Variants in RGSL1 observed in about 807,000 individuals in gnomAD.
RGSL1 encodes the protein regulator of G protein signaling like 1.
A neutral mutation model predicts 124.7 loss-of-function variants in RGSL1; 97 were observed. The ratio of observed to expected loss-of-function variants is 0.78; its 90% CI spans 0.66 to 0.92. RGSL1 has a LOEUF of 0.92. Among genes scored for constraint, RGSL1 ranks in the 40% least tolerant of loss-of-function variants. The pLI is 0.00. For missense variants in RGSL1, 1,233 were observed against 1,288.4 expected, an observed-to-expected ratio of 0.96 and a Z score of 0.66; for synonymous variants, 424 against 438.1, an observed-to-expected ratio of 0.97 and a Z score of 0.40.
At chr1:182,528,197 A>G (rs960592996) in intron 11 of RGSL1, among the ~76,000 whole-genome samples, 8 of 152,108 alleles carry the variant, frequency 5.3e-5, no homozygotes, top group African/African-American at 1.4e-4. Flanking sequence ...CTCACTCACT[A>G]TCATGAGAAC....
At chr1:182,539,101 T>C (rs1214212428) in intron 14 of RGSL1, among the ~76,000 whole-genome samples, 4 of 152,116 alleles carry the variant, frequency 2.6e-5, no homozygotes, top group Non-Finnish European at 4.4e-5. Context: ...CAAAAATCTA[T>C]TACAGTGAGA....
intron 20 of RGSL1, chr1:182,554,937 C>T (rs912728962): frequency 1.9e-6 from 1 of 521,738 alleles, no homozygotes; most frequent in Non-Finnish European, 3.4e-6. Flanking sequence ...ACCCACTTTT[C>T]AGTAGAACAA....
intron 9 of RGSL1, among the ~76,000 whole-genome samples, chr1:182,505,263 AAAAC>A (rs1159082912): frequency 6.6e-6 from 1 of 152,238 alleles, no homozygotes; most frequent in Non-Finnish European, 1.5e-5. Context: ...ACTTTAGGTC[AAAAC>A]AAACAACCAC....
chr1:182,522,045 C>A lies in RGSL1; in HGVS notation c.1867C>A (p.Arg623Ser). Residue 623 changes from arginine (R) to serine (S), a missense_variant, in exon 10 of 22, where the codon CGC (arginine) becomes AGC (serine). Transcript: ENST00000294854. ...EIIKETKTVSRSNRKMSLLKR... is the reference protein window; with the variant it reads ...EIIKETKTVSSSNRKMSLLKR... ...TATCAAGGAAACAAAGACAGTTTCACGCTCAAATAGGAAAATGTCCTTGCT... is the reference window on the plus strand; with the variant it reads ...TATCAAGGAAACAAAGACAGTTTCAAGCTCAAATAGGAAAATGTCCTTGCT... 6.5e-7 allele frequency: 1 copy of A among 1,548,368 alleles called. No homozygotes were observed. The highest frequency in any genetic ancestry group is 8.7e-7 in the Non-Finnish European group (1 of 1,145,926).
Position 182,469,436 on chromosome 1 carries a change from G to A in RGSL1, c.302-2960G>A, listed in dbSNP as rs181681273. ...AGATGCTCTACGGGACTAATCATTA[G>A]GGAAACACAAATCAAAACTATAATG... On this transcript the variant is annotated intron_variant, in intron 4 of 21. Coordinates refer to ENST00000294854, the MANE Select transcript of RGSL1 (RefSeq NM_001137669.2). Among the ~76,000 whole-genome samples, 11 of 152,224 alleles carry A rather than the reference G, an allele frequency of 7.2e-5. 1 individual carries two copies. Among genetic ancestry groups the A allele is most frequent in the Admixed American group, 3.3e-4 (5 of 15,280 alleles).
chr1:182,523,671 T>A (rs867691751), intron 10 of RGSL1, among the ~76,000 whole-genome samples: 20 of 152,178 alleles, frequency 1.3e-4, no homozygotes, highest in Admixed American at 9.2e-4. Context: ...ATACCACAGC[T>A]GCAATTCTCT....
chr1:182,473,212 T>C (rs1653991070), intron 5 of RGSL1, among the ~76,000 whole-genome samples: 1 of 152,244 alleles, frequency 6.6e-6, no homozygotes, highest in Non-Finnish European at 1.5e-5. Context: ...TAGTTCTACT[T>C]ATCCAGTCCA....
rs1267266678 is a variant in RGSL1, at chr1:182,548,312, T to C, written c.2670-5T>C. The C allele has an allele frequency of 1.9e-6, 3 of 1,551,792 alleles. No homozygotes were observed. The highest frequency in any genetic ancestry group is 2.7e-5 in the African/African-American group (2 of 73,028). On this transcript the variant is annotated splice_polypyrimidine_tract_variant and splice_region_variant and intron_variant, in intron 15 of 21. Coordinates refer to ENST00000294854, the MANE Select transcript of RGSL1 (RefSeq NM_001137669.2). ...CTGATTTCCTACTTCACATTTCTTTTTTAGATTTAATGATCTGGTCAGTTC... is the reference window on the plus strand; with the variant it reads ...CTGATTTCCTACTTCACATTTCTTTCTTAGATTTAATGATCTGGTCAGTTC...
intron 2 of RGSL1, among the ~76,000 whole-genome samples, chr1:182,455,462 G>A (rs1652232970): frequency 6.6e-6 from 1 of 152,016 alleles, no homozygotes; most frequent in East Asian, 1.9e-4. Context: ...GGAGCCTGTA[G>A]TGCCAGCTAC....
chr1:182,513,517 A>C (rs1021731860), intron 9 of RGSL1, among the ~76,000 whole-genome samples: 11 of 152,232 alleles, frequency 7.2e-5, no homozygotes, highest in Non-Finnish European at 2.9e-5. Flanking sequence ...AAAGAAATTA[A>C]ACCTTGTATG....
At chr1:182,517,794 T>A (rs1658011708) in intron 9 of RGSL1, among the ~76,000 whole-genome samples, 1 of 152,222 alleles carries the variant, frequency 6.6e-6, no homozygotes, top group Admixed American at 6.5e-5. Context: ...TGTGTTATCT[T>A]GGAGATCACT....
rs188684296 is a variant in RGSL1, at chr1:182,504,784, A to G, written c.1825+11655A>G. On this transcript the variant is annotated intron_variant, in intron 9 of 21. Coordinates refer to ENST00000294854, the MANE Select transcript of RGSL1 (RefSeq NM_001137669.2). Reference sequence around the variant, plus strand: ...TGGAGCCAAAAAAGAAAACAAAAGAAGAATAAAATAAATTACCGGTCTTTG... The same window carrying G: ...TGGAGCCAAAAAAGAAAACAAAAGAGGAATAAAATAAATTACCGGTCTTTG... Among the ~76,000 whole-genome samples, 375 of 152,316 alleles carry G rather than the reference A, an allele frequency of 2.5e-3. 1 individual carries two copies. Among genetic ancestry groups the G allele is most frequent in the Non-Finnish European group, 4.4e-3 (302 of 68,016 alleles).
At chr1:182,492,113 A>G (rs755747501) in intron 8 of RGSL1, among the ~76,000 whole-genome samples, 1 of 152,234 alleles carries the variant, frequency 6.6e-6, no homozygotes, top group Non-Finnish European at 1.5e-5. Flanking sequence ...CCAAAGTCAG[A>G]GCTGAGAAAG....
chr1:182,501,610 C>T (rs892625566), intron 9 of RGSL1, among the ~76,000 whole-genome samples: 9 of 152,072 alleles, frequency 5.9e-5, no homozygotes, highest in South Asian at 2.1e-4. Context: ...TGAGCCGCTA[C>T]GCCCCGCCTT....
upstream of RGSL1, among the ~76,000 whole-genome samples, chr1:182,449,560 T>C (rs561059822): frequency 9.8e-5 from 15 of 152,344 alleles, no homozygotes; most frequent in African/African-American, 3.6e-4. Context: ...AATGAAGAGT[T>C]GTTTAATGAG....
At chr1:182,499,962 C>T (rs1656227221) in intron 9 of RGSL1, among the ~76,000 whole-genome samples, 3 of 152,054 alleles carry the variant, frequency 2.0e-5, no homozygotes, top group Admixed American at 2.0e-4. Context: ...ATTCTGTGGG[C>T]TGTATTTTCA....
intron 21 of RGSL1, among the ~76,000 whole-genome samples, chr1:182,557,419 A>T (rs755884337): frequency 2.6e-5 from 4 of 152,206 alleles, no homozygotes; most frequent in Admixed American, 1.3e-4. Context: ...AAAAAAGAAC[A>T]AGTCACAAGC....
At chr1:182,514,195 C>A (rs1167266322) in intron 9 of RGSL1, among the ~76,000 whole-genome samples, 1 of 152,120 alleles carries the variant, frequency 6.6e-6, no homozygotes, top group Non-Finnish European at 1.5e-5. Flanking sequence ...GCCCAGCCTG[C>A]AGTGAGATTT....
At chr1:182,535,436 G>A (rs1393948695) in intron 14 of RGSL1, among the ~76,000 whole-genome samples, 1 of 152,152 alleles carries the variant, frequency 6.6e-6, no homozygotes, top group Non-Finnish European at 1.5e-5. Context: ...TCCCTCCTCT[G>A]AATCACTTGG....
Sources: gnomAD v4.1 joint callset for allele counts (sites outside exome capture counted in the v4.1 genomes callset) on GRCh38, gnomAD v4.1.1 for gene constraint, MANE v1.5 for transcripts, NCBI Gene and HGNC (gene_info 2026-07-23, HGNC 2026-07-21) for gene names.